The following NXN variants were observed in gnomAD, a reference collection of about 807,000 sequenced individuals.
NXN encodes nucleoredoxin.
NXN carries 16 observed loss-of-function variants against 48.6 expected under a neutral mutation model. That is an observed-to-expected ratio of 0.33 (90% confidence interval 0.22 to 0.50). The LOEUF (loss-of-function observed/expected upper bound fraction) is 0.50, where lower values mean the gene tolerates loss of function less well. Among genes scored for constraint, NXN ranks in the 20% least tolerant of loss-of-function variants. The pLI is 0.98. For missense variants in NXN, 492 were observed against 605.5 expected, an observed-to-expected ratio of 0.81 and a Z score of 1.97; for synonymous variants, 281 against 269.6, an observed-to-expected ratio of 1.04 and a Z score of -0.41.
rs16955881 is a variant in NXN at position 813,102 on chromosome 17, G to A, written c.820+6337C>T. ...CGTCCACTGAATGACACTGGAAGCC[G>A]TAACCACGGAATCACACAAAAGCTC... is the stretch of plus-strand genomic sequence containing the variant. On this transcript the variant is annotated intron_variant, in intron 5 of 7. Transcript: ENST00000336868. Among the ~76,000 whole-genome samples the A allele has an allele frequency of 5.0e-3, 762 of 152,370 alleles. 3 individuals are homozygous for A. Among genetic ancestry groups the A allele is most frequent in the South Asian group, 9.1e-3 (44 of 4,832 alleles).
chr17:902,469 C>T (rs1448295518), intron 1 of NXN, among the ~76,000 whole-genome samples: 2 of 152,062 alleles, frequency 1.3e-5, no homozygotes, highest in African/African-American at 2.4e-5. Flanking sequence ...GAGAAAAAGG[C>T]GACACAAGAA....
intron 1 of NXN, among the ~76,000 whole-genome samples, chr17:898,348 C>A (rs4968125): frequency 0.68 from 101,871 of 149,918 alleles, 36,932 homozygotes; most frequent in Middle Eastern, 0.87. Context: ...CTCTTCAGCT[C>A]CCCTGCCTGG....
intron 1 of NXN, among the ~76,000 whole-genome samples, chr17:861,290 T>C (rs1002010363): frequency 1.1e-4 from 16 of 152,168 alleles, no homozygotes; most frequent in African/African-American, 3.6e-4. Context: ...AGTGCCACTA[T>C]GCTCGGCTAA....
intron 5 of NXN, among the ~76,000 whole-genome samples, chr17:809,430 T>C (rs1331944752): frequency 6.6e-6 from 1 of 152,204 alleles, no homozygotes; most frequent in Non-Finnish European, 1.5e-5. Context: ...TCCCACGGTT[T>C]AGTCTGGTGA....
intron 1 of NXN, among the ~76,000 whole-genome samples, chr17:889,861 A>G: frequency 6.6e-6 from 1 of 152,222 alleles, no homozygotes; most frequent in Non-Finnish European, 1.5e-5. Flanking sequence ...TTCAAGTCTA[A>G]GGCTGTGGAT....
chr17:924,086 G>C (rs567371703), intron 1 of NXN, among the ~76,000 whole-genome samples: 29 of 96,054 alleles, frequency 3.0e-4, no homozygotes, highest in Non-Finnish European at 5.2e-4. Context: ...TTTTTTTTTT[G>C]AGACAGGGTC....
intron 1 of NXN, among the ~76,000 whole-genome samples, chr17:831,912 C>T (rs1913493667): frequency 1.3e-5 from 1 of 75,946 alleles, no homozygotes; most frequent in African/African-American, 6.6e-5. Flanking sequence ...CTATCCTTGC[C>T]TTCTTAGAAG....
chr17:810,900 AT>A, intron 5 of NXN, among the ~76,000 whole-genome samples: 1 of 152,280 alleles, frequency 6.6e-6, no homozygotes, highest in East Asian at 1.9e-4. Context: ...AAAAAAAAAA[AT>A]TAGACAAAAC....
rs1019677976 is a variant in NXN, at chr17:921,052, CTT to C, written c.360+58265_360+58266del. 5.2e-4 allele frequency among the ~76,000 whole-genome samples: 79 copies of C among 152,204 alleles called. 1 individual carries two copies. Among genetic ancestry groups the C allele is most frequent in the African/African-American group, 1.9e-3 (77 of 41,540 alleles). On this transcript the variant is annotated intron_variant, in intron 1 of 7. Transcript: ENST00000336868. The stretch of plus-strand genomic sequence containing the variant: ...GTGACCTTTATATGTTTCTTAACCT[CTT>C]TGTGACTCAGTTTTCTCATTTGTAA...
At chr17:968,965 A>G (rs1303170440) in intron 1 of NXN, among the ~76,000 whole-genome samples, 1 of 152,024 alleles carries the variant, frequency 6.6e-6, no homozygotes, top group Non-Finnish European at 1.5e-5. Flanking sequence ...AAGAAAAAGA[A>G]AAGAAAAGAA....
intron 1 of NXN, among the ~76,000 whole-genome samples, chr17:966,807 G>A (rs144856472): frequency 1.6e-5 from 2 of 127,832 alleles, no homozygotes; most frequent in African/African-American, 2.9e-5. Flanking sequence ...ATGACTGTTG[G>A]GGGGGTGGGG....
chr17:823,355 C>T (rs1327401829), intron 3 of NXN, among the ~76,000 whole-genome samples: 5 of 148,462 alleles, frequency 3.4e-5, no homozygotes, highest in Non-Finnish European at 6.0e-5. Flanking sequence ...ACTGAGATCG[C>T]GCCACTGCAC....
chr17:948,259 G>T (rs1334905463), intron 1 of NXN, among the ~76,000 whole-genome samples: 1 of 152,044 alleles, frequency 6.6e-6, no homozygotes, highest in Non-Finnish European at 1.5e-5. Context: ...ACCCTGGTGT[G>T]ATGATCACAC....
chr17:855,770 C>T (rs2067978763), intron 1 of NXN, among the ~76,000 whole-genome samples: 1 of 152,144 alleles, frequency 6.6e-6, no homozygotes, highest in Non-Finnish European at 1.5e-5. Flanking sequence ...TGTACCTTGG[C>T]AGGAGGAATG....
intron 1 of NXN, among the ~76,000 whole-genome samples, chr17:913,720 T>C (rs1429564710): frequency 1.3e-5 from 2 of 152,086 alleles, no homozygotes; most frequent in African/African-American, 4.8e-5. Context: ...TTTTCTCTCC[T>C]GGCACCTGCT....
At chr17:913,008 C>T (rs899329609) in intron 1 of NXN, among the ~76,000 whole-genome samples, 9 of 151,972 alleles carry the variant, frequency 5.9e-5, no homozygotes, top group African/African-American at 2.2e-4. Context: ...AAAAATAGCA[C>T]TTTTCTCTGT....
chr17:896,547 G>A (rs565413), intron 1 of NXN, among the ~76,000 whole-genome samples: 11,859 of 152,150 alleles, frequency 0.078, 1,051 homozygotes, highest in African/African-American at 0.22. Context: ...AACTATTCCC[G>A]TACCTCTCCC....
chr17:963,255 T>G, intron 1 of NXN, among the ~76,000 whole-genome samples: 1 of 143,360 alleles, frequency 7.0e-6, no homozygotes, highest in East Asian at 2.3e-4. Flanking sequence ...TTCATTTTAT[T>G]TGAAATTTTT....
rs556048819 is a variant in NXN at position 937,730 on chromosome 17, G to T, written c.360+41589C>A. ...GCATCCGAGCTGGCAGCCCACAACA[G>T]GTCACGCTGTCACGGGGACGCCGGG... On this transcript the variant is annotated intron_variant, in intron 1 of 7. Coordinates refer to ENST00000336868, the MANE Select transcript of NXN (RefSeq NM_022463.5). Among the ~76,000 whole-genome samples the T allele has an allele frequency of 2.6e-5, 4 of 152,320 alleles. No homozygotes were observed. In the East Asian group the frequency reaches 7.7e-4, roughly 29 times the overall value.
Sources: gnomAD v4.1 joint callset for allele counts (sites outside exome capture counted in the v4.1 genomes callset) on GRCh38, gnomAD v4.1.1 for gene constraint, MANE v1.5 for transcripts, NCBI Gene and HGNC (gene_info 2026-07-23, HGNC 2026-07-21) for gene names.